Variants in DUSP22 observed in about 807,000 individuals in gnomAD.
The protein encoded by DUSP22 is dual specificity phosphatase 22, also known as dual specificity protein phosphatase 22.
Under a neutral mutation model 24.5 loss-of-function variants are expected in DUSP22, and 24 were observed. The ratio of observed to expected loss-of-function variants is 0.98; its 90% CI spans 0.71 to 1.38. DUSP22 has a LOEUF of 1.38. Ranked by LOEUF, DUSP22 falls within the 40% of genes most tolerant of loss-of-function variation. The pLI is 0.00. For missense variants in DUSP22, 330 were observed against 269.2 expected, an observed-to-expected ratio of 1.23 and a Z score of -1.58; for synonymous variants, 160 against 106.4, an observed-to-expected ratio of 1.50 and a Z score of -3.10.
intron 3 of DUSP22, 66 bp downstream of exon 3, chr6:312,028 T>A: frequency 6.5e-7 from 1 of 1,527,512 alleles, no homozygotes; most frequent in Non-Finnish European, 8.9e-7. Context: ...ACCTACGACG[T>A]TAATGAAGGC....
intron 4 of DUSP22, among the ~76,000 whole-genome samples, chr6:338,569 CA>C (rs1759463854): frequency 6.6e-6 from 1 of 152,284 alleles, no homozygotes; most frequent in Non-Finnish European, 1.5e-5. Context: ...TTAACAAAAG[CA>C]AAAGAAGTCT....
At chr6:348,336 C>G in intron 6 of DUSP22, 62 bp downstream of exon 6, 12 of 1,601,818 alleles carry the variant, frequency 7.5e-6, no homozygotes, top group Non-Finnish European at 9.4e-6. Flanking sequence ...TGCCCACAGT[C>G]TTTCCGTACA....
intron 3 of DUSP22, among the ~76,000 whole-genome samples, chr6:331,442 C>T (rs1436160810): frequency 6.6e-6 from 1 of 152,398 alleles, no homozygotes; most frequent in African/African-American, 2.4e-5. Context: ...TTTTTTTTAA[C>T]CTCCAAGTTT....
chr6:293,213 C>G (rs148933266), intron 1 of DUSP22, among the ~76,000 whole-genome samples: 731 of 152,148 alleles, frequency 4.8e-3, no homozygotes, highest in African/African-American at 0.017. Flanking sequence ...TTTGTCCCGT[C>G]CGTTTCTGGG....
At chr6:292,651 G>C in intron 1 of DUSP22, 91 bp downstream of exon 1, 2 of 1,505,478 alleles carry the variant, frequency 1.3e-6, no homozygotes, top group African/African-American at 1.4e-5. Context: ...TCGAGCCCGG[G>C]GTGCCCTTTC....
intron 1 of DUSP22, among the ~76,000 whole-genome samples, chr6:293,495 C>G (rs1347573454): frequency 6.6e-6 from 1 of 152,290 alleles, no homozygotes; most frequent in East Asian, 1.9e-4. Context: ...TTCTGCTTCA[C>G]TTTTTCATTG....
At chr6:296,920 C>T (rs1334548872) in intron 1 of DUSP22, among the ~76,000 whole-genome samples, 4 of 152,300 alleles carry the variant, frequency 2.6e-5, no homozygotes, top group African/African-American at 9.6e-5. Context: ...CTTCCTTCCT[C>T]CCTGCTGTGT....
intron 2 of DUSP22, among the ~76,000 whole-genome samples, chr6:310,052 C>G (rs1758002795): frequency 6.6e-6 from 1 of 152,308 alleles, no homozygotes; most frequent in Admixed American, 6.5e-5. Context: ...CCTCCGCCTC[C>G]TGGGTTCAAG....
intron 3 of DUSP22, among the ~76,000 whole-genome samples, chr6:323,260 G>GTT (rs1191340996): frequency 6.6e-6 from 1 of 151,840 alleles, no homozygotes; most frequent in Non-Finnish European, 1.5e-5. Flanking sequence ...GTGTGTGTGT[G>GTT]TGTTGAGGTG....
At chr6:304,492 C>G in intron 1 of DUSP22, 136 bp from the exon 2 acceptor site, 1 of 1,305,758 alleles carries the variant, frequency 7.7e-7, no homozygotes, top group South Asian at 1.2e-5. Context: ...GGGTCACCCG[C>G]GTGTCTGTCA....
intron 4 of DUSP22, among the ~76,000 whole-genome samples, chr6:338,424 G>A (rs952748522): frequency 3.3e-5 from 5 of 152,292 alleles, no homozygotes; most frequent in African/African-American, 1.2e-4. Flanking sequence ...CAAGTTGGCA[G>A]GCAGAACACC....
Position 348,813 on chromosome 6 carries a change from G to A in DUSP22, c.480G>A (p.Gln160=), listed in dbSNP as rs755442873. 3 of 1,614,302 alleles carry A rather than the reference G, an allele frequency of 1.9e-6. No individual in the cohort carries two copies. Among genetic ancestry groups the A allele is most frequent in the Non-Finnish European group, 1.7e-6 (2 of 1,180,054 alleles). The part of the protein sequence containing the change: ...LKEEYGESPL[Q]DAEEAKNILG... ...AAGAATATGGAGAGAGCCCTTTGCAGGATGCAGAAGAAGCCAAAAACATTC... is the reference window on the plus strand; with the variant it reads ...AAGAATATGGAGAGAGCCCTTTGCAAGATGCAGAAGAAGCCAAAAACATTC... The change falls in exon 7 of 7, where the codon CAG becomes CAA. Residue 160 remains glutamine (Q), a synonymous_variant. Transcript: ENST00000419235.
intron 2 of DUSP22, among the ~76,000 whole-genome samples, chr6:308,383 T>G (rs1757920917): frequency 6.6e-6 from 1 of 152,302 alleles, no homozygotes. Flanking sequence ...GTGAAGTCTG[T>G]AAGAATTAAA....
chr6:349,384 A>AT lies in DUSP22; in HGVS notation c.*435dup, dbSNP rs1760068205. On this transcript the variant is annotated 3_prime_UTR_variant, in exon 7 of 7. Coordinates refer to ENST00000419235, the MANE Select transcript of DUSP22 (RefSeq NM_001286555.3). ...TACTGCTGGAAGTCACAGAATTCATATTGCTGCCCGGGTTGGTGTGGCCAC... is the reference window on the plus strand; with the variant it reads ...TACTGCTGGAAGTCACAGAATTCATATTTGCTGCCCGGGTTGGTGTGGCCAC... 9.8e-7 allele frequency: 1 copy of AT among 1,023,350 alleles called. No individual in the cohort carries two copies. Among genetic ancestry groups the AT allele is most frequent in the African/African-American group, 1.7e-5 (1 of 58,482 alleles). 63.4% of individuals were successfully genotyped at this position (1,023,350 alleles called of 1,614,324 possible).
chr6:345,214 T>C (rs56254814), intron 4 of DUSP22, among the ~76,000 whole-genome samples: 2,627 of 149,186 alleles, frequency 0.018, no homozygotes, highest in Middle Eastern at 0.036. Flanking sequence ...GAATAAATTC[T>C]GGTTTCTTTC....
intron 4 of DUSP22, among the ~76,000 whole-genome samples, chr6:342,639 T>C (rs1759663527): frequency 1.3e-5 from 2 of 152,400 alleles, no homozygotes; most frequent in South Asian, 4.1e-4. Flanking sequence ...CAGAATACCG[T>C]GTTTGACTGA....
At chr6:344,282 T>C (rs1170164757) in intron 4 of DUSP22, among the ~76,000 whole-genome samples, 1 of 151,628 alleles carries the variant, frequency 6.6e-6, no homozygotes, top group Non-Finnish European at 1.5e-5. Context: ...TAGAACTTAG[T>C]TCTATTATTT....
At chr6:335,034 T>C in intron 3 of DUSP22, 80 bp from the exon 4 acceptor site, 1 of 1,502,138 alleles carries the variant, frequency 6.7e-7, no homozygotes, top group Non-Finnish European at 9.2e-7. Context: ...TTTTGACCTG[T>C]GTAAATAGTT....
Position 350,387 on chromosome 6 carries a change from T to G in DUSP22, c.*1436T>G. ...ACTCAGATTCCTTAAGCATGCAGAG[T>G]CACTCGAATGAAAAAACATACTCGA... On this transcript the variant is annotated 3_prime_UTR_variant, in exon 7 of 7. Coordinates refer to ENST00000419235, the MANE Select transcript of DUSP22 (RefSeq NM_001286555.3). 1.8e-6 allele frequency: 2 copies of G among 1,089,108 alleles called. No homozygotes were observed. The highest frequency in any genetic ancestry group is 2.6e-5 in the South Asian group (1 of 38,600). 67.5% of individuals were successfully genotyped at this position (1,089,108 alleles called of 1,614,324 possible).
Sources: allele counts gnomAD v4.1 joint callset (sites outside exome capture counted in the v4.1 genomes callset), GRCh38; gene constraint gnomAD v4.1.1; transcripts MANE v1.5; gene names NCBI Gene and HGNC (gene_info 2026-07-23, HGNC 2026-07-21).